The following MTCL2 variants were observed in gnomAD, a reference collection of about 807,000 sequenced individuals.
MTCL2 encodes the protein microtubule crosslinking factor 2.
chr20:36,812,624 T>C, the MTCL2 span: 1 of 1,551,064 alleles, frequency 6.4e-7, no homozygotes, highest in Non-Finnish European at 8.8e-7. Context: ...AGCTAAGTGA[T>C]ATATGGACCA....
At chr20:36,835,793 G>A in the MTCL2 span, among the ~76,000 whole-genome samples, 7 of 152,016 alleles carry the variant, frequency 4.6e-5, no homozygotes, top group Middle Eastern at 6.8e-3. Context: ...CAACAGAAAC[G>A]GCCCCTCCTC....
At chr20:36,856,397 G>C in the MTCL2 span, among the ~76,000 whole-genome samples, 3 of 152,246 alleles carry the variant, frequency 2.0e-5, no homozygotes, top group African/African-American at 7.2e-5. Flanking sequence ...TTATAGATGG[G>C]AGTGGCATGG....
At chr20:36,825,772 G>A in the MTCL2 span, among the ~76,000 whole-genome samples, 2 of 152,190 alleles carry the variant, frequency 1.3e-5, no homozygotes, top group Admixed American at 1.3e-4. Context: ...GGAAAGAGAC[G>A]GAGGAGGGAG....
the MTCL2 span, chr20:36,815,980 A>C: frequency 1.2e-6 from 2 of 1,613,406 alleles, no homozygotes; most frequent in Non-Finnish European, 1.7e-6. This position sits in a 1 kb window ranked among gnomAD's most constrained non-coding sequence, Gnocchi z 5.3. Context: ...GGACCCCCAC[A>C]GCCACCTCCA....
At chr20:36,836,209 C>T in the MTCL2 span, among the ~76,000 whole-genome samples, 1 of 151,868 alleles carries the variant, frequency 6.6e-6, no homozygotes. Context: ...CCTTGTCGCT[C>T]TGTCGCCCAG....
chr20:36,810,809 T>C, the MTCL2 span, among the ~76,000 whole-genome samples: 1 of 147,438 alleles, frequency 6.8e-6, no homozygotes, highest in Non-Finnish European at 1.5e-5. Context: ...AACCTCTGCC[T>C]CCCAGGTTCA....
At chr20:36,796,951 G>A in the MTCL2 span, 7 of 1,613,962 alleles carry the variant, frequency 4.3e-6, no homozygotes, top group South Asian at 6.6e-5. Flanking sequence ...CTCACTGCGT[G>A]TCTGTCAAGG....
At chr20:36,809,060 C>T in the MTCL2 span, among the ~76,000 whole-genome samples, 2 of 152,136 alleles carry the variant, frequency 1.3e-5, no homozygotes, top group East Asian at 1.9e-4. Flanking sequence ...CGAGGGTGAG[C>T]GATGATAGCA....
chr20:36,780,904 A>G, the MTCL2 span: 1 of 152,220 alleles, frequency 6.6e-6, no homozygotes, highest in Non-Finnish European at 1.5e-5. Context: ...TTAGTAGAAG[A>G]GTTCGTCTCC....
chr20:36,817,507 A>C, the MTCL2 span: 1 of 1,486,566 alleles, frequency 6.7e-7, no homozygotes, highest in African/African-American at 1.4e-5. Flanking sequence ...AAAAAAAGTC[A>C]GGACTGAAAG....
the MTCL2 span, among the ~76,000 whole-genome samples, chr20:36,835,576 C>T: frequency 1.2e-3 from 177 of 152,160 alleles, no homozygotes; most frequent in African/African-American, 4.0e-3. Flanking sequence ...CCATCAAGCC[C>T]TCCAAGACGA....
At chr20:36,845,257 A>G in the MTCL2 span, among the ~76,000 whole-genome samples, 1 of 152,162 alleles carries the variant, frequency 6.6e-6, no homozygotes, top group Admixed American at 6.5e-5. Flanking sequence ...TTCCCCCCCT[A>G]AAAGGGCAAG....
the MTCL2 span, among the ~76,000 whole-genome samples, chr20:36,860,493 G>A: frequency 6.6e-6 from 1 of 152,180 alleles, no homozygotes. Flanking sequence ...GCTGCCGAAT[G>A]AACCAATGAG....
the MTCL2 span, chr20:36,778,428 C>T: frequency 0.011 from 1,743 of 152,410 alleles, 45 homozygotes; most frequent in African/African-American, 0.04. Context: ...GGCTGCTAAT[C>T]TGCACTTCTA....
At chr20:36,801,181 C>G in the MTCL2 span, among the ~76,000 whole-genome samples, 5 of 152,126 alleles carry the variant, frequency 3.3e-5, no homozygotes, top group African/African-American at 1.2e-4. Context: ...GCTGGGACTA[C>G]AGGCACACAT....
At chr20:36,816,158 G>T in the MTCL2 span, 20 of 1,613,578 alleles carry the variant, frequency 1.2e-5, no homozygotes, top group Non-Finnish European at 1.6e-5. Flanking sequence ...CTGACAGCGC[G>T]CTGTCCAGGT....
the MTCL2 span, among the ~76,000 whole-genome samples, chr20:36,795,853 C>A: frequency 6.6e-6 from 1 of 152,064 alleles, no homozygotes; most frequent in Non-Finnish European, 1.5e-5. Context: ...AATGAGTTCA[C>A]ACCCCTAAAC....
At chr20:36,849,036 CTG>C in the MTCL2 span, among the ~76,000 whole-genome samples, 3 of 127,812 alleles carry the variant, frequency 2.3e-5, no homozygotes, top group East Asian at 4.8e-4. Context: ...ACTTTAATAA[CTG>C]TGTTTCAATA....
the MTCL2 span, chr20:36,803,052 G>T: frequency 6.2e-7 from 1 of 1,608,184 alleles, no homozygotes; most frequent in South Asian, 1.1e-5. Flanking sequence ...CTGTAGGGCT[G>T]CCTTCCAGTC....
Sources: allele counts gnomAD v4.1 joint callset (sites outside exome capture counted in the v4.1 genomes callset), GRCh38; gene constraint gnomAD v4.1.1; non-coding constraint Gnocchi (gnomAD v3.1); transcripts MANE v1.5; gene names NCBI Gene and HGNC (gene_info 2026-07-23, HGNC 2026-07-21).